The following UBE2N variants were observed in gnomAD, a reference collection of about 807,000 sequenced individuals.
The protein encoded by UBE2N is ubiquitin conjugating enzyme E2 N.
For missense variants in UBE2N, 60 were observed against 192.1 expected, an observed-to-expected ratio of 0.31 and a Z score of 4.07; for synonymous variants, 70 against 69.2, an observed-to-expected ratio of 1.01 and a Z score of -0.06.
intron 1 of UBE2N, among the ~76,000 whole-genome samples, chr12:93,430,445 G>A (rs1398763569): frequency 6.6e-6 from 1 of 152,100 alleles, no homozygotes; most frequent in Non-Finnish European, 1.5e-5. Context: ...CTTCTCACCA[G>A]AACCACAAAA....
intron 1 of UBE2N, among the ~76,000 whole-genome samples, chr12:93,435,945 G>T (rs1878921679): frequency 1.3e-5 from 2 of 152,066 alleles, no homozygotes; most frequent in Non-Finnish European, 2.9e-5. Context: ...CCATAGACAA[G>T]GGACCAGTGG....
chr12:93,424,985 C>A (rs1878535519), intron 1 of UBE2N, among the ~76,000 whole-genome samples: 1 of 152,080 alleles, frequency 6.6e-6, no homozygotes, highest in African/African-American at 2.4e-5. Context: ...AACCATTTTC[C>A]CACACACTAG....
chr12:93,423,582 G>C (rs1156723282), intron 1 of UBE2N, among the ~76,000 whole-genome samples: 2 of 152,170 alleles, frequency 1.3e-5, no homozygotes, highest in African/African-American at 4.8e-5. Flanking sequence ...TGGGGAGGGG[G>C]AAGAGGCTCA....
At chr12:93,415,265 G>A (rs1363071272) in intron 1 of UBE2N, among the ~76,000 whole-genome samples, 6 of 151,976 alleles carry the variant, frequency 3.9e-5, no homozygotes, top group African/African-American at 1.2e-4. Context: ...CAGGGCATAC[G>A]TTAAAAACAA....
intron 1 of UBE2N, among the ~76,000 whole-genome samples, chr12:93,422,495 C>G (rs1392218078): frequency 1.3e-5 from 2 of 152,178 alleles, no homozygotes; most frequent in Non-Finnish European, 2.9e-5. Flanking sequence ...CCTCGAGGCA[C>G]TATTAACAAA....
At chr12:93,419,770 A>G (rs1249436081) in intron 1 of UBE2N, among the ~76,000 whole-genome samples, 1 of 152,250 alleles carries the variant, frequency 6.6e-6, no homozygotes, top group African/African-American at 2.4e-5. Context: ...AACCAAAGTT[A>G]GCACCTACCT....
At position 93,405,744 on chromosome 12, in the gene UBE2N, A is replaced by G. The variant is rs1447016230; in HGVS notation, c.*4295T>C. The G allele has an allele frequency of 6.6e-6, 1 of 152,158 alleles. No individual in the cohort carries two copies. Among genetic ancestry groups the G allele is most frequent in the African/African-American group, 2.4e-5 (1 of 41,444 alleles). 9.4% of individuals were successfully genotyped at this position (152,158 alleles called of 1,614,324 possible). A position where few individuals can be genotyped will look rare whatever the true frequency, so the allele number is the denominator to read the frequency against. On this transcript the variant is annotated 3_prime_UTR_variant, in exon 4 of 4. Coordinates refer to ENST00000318066, the MANE Select transcript of UBE2N (RefSeq NM_003348.4). ...CTTCTCTCAAATTATTACATTCAGC[A>G]TGTTTTGCTTTTTATGTTATTTAAA... is the stretch of plus-strand genomic sequence containing the variant.
At position 93,405,875 on chromosome 12, in the gene UBE2N, C is replaced by T. The variant is rs1011830398; in HGVS notation, c.*4164G>A. 1 of 152,124 alleles carries T rather than the reference C, an allele frequency of 6.6e-6. No homozygotes were observed. Among genetic ancestry groups the T allele is most frequent in the Non-Finnish European group, 1.5e-5 (1 of 68,012 alleles). The allele number at this position is 152,124 out of a possible 1,614,324, so 9.4% of individuals were successfully genotyped here. On this transcript the variant is annotated 3_prime_UTR_variant, in exon 4 of 4. Coordinates refer to ENST00000318066, the MANE Select transcript of UBE2N (RefSeq NM_003348.4). The stretch of plus-strand genomic sequence containing the variant: ...TATTCGAATGAAATATTACATTTTT[C>T]TTAAATAAAGCAATAAATTAGGTAC...
intron 1 of UBE2N, among the ~76,000 whole-genome samples, chr12:93,440,062 T>A (rs1879053670): frequency 6.6e-6 from 1 of 152,226 alleles, no homozygotes; most frequent in Non-Finnish European, 1.5e-5. Flanking sequence ...ACTGGGCATA[T>A]CTTCATAATC....
At chr12:93,410,931 C>T in intron 2 of UBE2N, 57 bp from the exon 3 acceptor site, 1 of 1,613,956 alleles carries the variant, frequency 6.2e-7, no homozygotes, top group African/African-American at 1.3e-5. Context: ...CCCAGAACTG[C>T]TTCACTTCCC....
intron 1 of UBE2N, among the ~76,000 whole-genome samples, chr12:93,438,064 A>G (rs971941874): frequency 3.3e-5 from 5 of 152,240 alleles, no homozygotes; most frequent in Non-Finnish European, 5.9e-5. Context: ...GAATATACCA[A>G]GGAGTAACAA....
intron 1 of UBE2N, among the ~76,000 whole-genome samples, chr12:93,437,654 T>C (rs1176174536): frequency 2.0e-5 from 3 of 152,076 alleles, no homozygotes; most frequent in African/African-American, 7.2e-5. Flanking sequence ...CCAGGTGTGG[T>C]GGCACATGCC....
At chr12:93,428,691 A>C (rs143282941) in intron 1 of UBE2N, among the ~76,000 whole-genome samples, 5 of 152,364 alleles carry the variant, frequency 3.3e-5, no homozygotes, top group African/African-American at 1.2e-4. Flanking sequence ...TGGCAATGTT[A>C]AATTTACAAA....
At position 93,411,316 on chromosome 12, in the gene UBE2N, A is replaced by C; in HGVS notation, c.31-17T>G. 1.3e-6 allele frequency: 2 copies of C among 1,573,948 alleles called. No homozygotes were observed. Among genetic ancestry groups the C allele is most frequent in the Non-Finnish European group, 1.7e-6 (2 of 1,163,148 alleles). ...CTGGGTTTCCTATGACAGAAAAACA[A>C]ACACATTTGTGAAACAAATGTCATT... On this transcript the variant is annotated splice_polypyrimidine_tract_variant and intron_variant, in intron 1 of 3. Coordinates refer to ENST00000318066, the MANE Select transcript of UBE2N (RefSeq NM_003348.4).
chr12:93,432,933 G>GTTTT (rs71071735), intron 1 of UBE2N, among the ~76,000 whole-genome samples: 109,629 of 132,602 alleles, frequency 0.83, 46,135 homozygotes, highest in Middle Eastern at 0.92. Context: ...CTTCATTCAG[G>GTTTT]TTTTTTTTTT....
At chr12:93,415,431 A>G (rs1275160329) in intron 1 of UBE2N, among the ~76,000 whole-genome samples, 2 of 152,182 alleles carry the variant, frequency 1.3e-5, no homozygotes, top group African/African-American at 4.8e-5. Context: ...TGTTTTGATC[A>G]TGGCGATGTA....
rs948808218 is a variant in UBE2N, at chr12:93,429,930, T to C, written c.30+11925A>G. ...AGTTTATAAAATAAAAAAGTTACAG[T>C]AAGCCAAGGCTTATTATTGAAGAAA... is the stretch of plus-strand genomic sequence containing the variant. On this transcript the variant is annotated intron_variant, in intron 1 of 3. Transcript: ENST00000318066. Among the ~76,000 whole-genome samples, 5 of 152,348 alleles carry C rather than the reference T, an allele frequency of 3.3e-5. 1 individual carries two copies. The highest frequency in any genetic ancestry group is 1.9e-4 in the East Asian group (1 of 5,190).
chr12:93,427,634 T>C (rs1179219182), intron 1 of UBE2N, among the ~76,000 whole-genome samples: 1 of 152,182 alleles, frequency 6.6e-6, no homozygotes, highest in Non-Finnish European at 1.5e-5. Context: ...GTTTTTCTTT[T>C]TGGGGTGACA....
In UBE2N at chr12:93,409,212, A is replaced by C. The variant is rs145013241; in HGVS notation, c.*827T>G. 1.8e-3 allele frequency: 277 copies of C among 152,784 alleles called. 2 individuals carry two copies. The highest frequency in any genetic ancestry group is 6.5e-3 in the African/African-American group (270 of 41,568). 9.5% of individuals were successfully genotyped at this position (152,784 alleles called of 1,614,324 possible). ...ACACAAATCTGCATCAGTGAAAAGA[A>C]ACTGGCAAAATCCACCTCTTGCCAT... On this transcript the variant is annotated 3_prime_UTR_variant, in exon 4 of 4. Coordinates refer to ENST00000318066, the MANE Select transcript of UBE2N (RefSeq NM_003348.4).
Sources: gnomAD v4.1 joint callset for allele counts (sites outside exome capture counted in the v4.1 genomes callset) on GRCh38, gnomAD v4.1.1 for gene constraint, MANE v1.5 for transcripts, NCBI Gene and HGNC (gene_info 2026-07-23, HGNC 2026-07-21) for gene names.